Variants in ZHX2 observed in about 807,000 individuals in gnomAD.
ZHX2 encodes zinc fingers and homeoboxes 2.
In ZHX2, 6 loss-of-function variants were observed where a neutral mutation model predicts 21.9. That is an observed-to-expected ratio of 0.27 (90% confidence interval 0.15 to 0.54). The LOEUF (loss-of-function observed/expected upper bound fraction) is 0.54. Ranked by LOEUF, ZHX2 falls within the 20% of genes least tolerant of loss-of-function variation. The probability of loss-of-function intolerance (pLI) is 0.95; values close to 1 mark genes in which losing one functional copy is unlikely to be tolerated. For synonymous variants in ZHX2, 434 were observed against 437.1 expected (o/e 0.99, Z 0.09); for missense variants, 908 against 1,090.7 (o/e 0.83, Z 2.36).
chr8:122,908,461 C>T lies in ZHX2; in HGVS notation c.-219-42831C>T, dbSNP rs192823118. 1.1e-4 allele frequency among the ~76,000 whole-genome samples: 16 copies of T among 152,268 alleles called. No homozygotes were observed. In the East Asian group the frequency reaches 1.2e-3, roughly 11 times the overall value. ...CTGACCTCAGATGTTCCACCCACCTCGGCCTCCCAAAATGCTGGGATTACA... is the reference window on the plus strand; with the variant it reads ...CTGACCTCAGATGTTCCACCCACCTTGGCCTCCCAAAATGCTGGGATTACA... On this transcript the variant is annotated intron_variant, in intron 2 of 3. Coordinates refer to ENST00000314393, the MANE Select transcript of ZHX2 (RefSeq NM_014943.5).
At position 122,951,554 on chromosome 8, in the gene ZHX2, C is replaced by T. The variant is rs1813111051; in HGVS notation, c.44C>T (p.Thr15Ile). The T allele has an allele frequency of 6.2e-7, 1 of 1,613,566 alleles. No individual in the cohort carries two copies. Reference protein sequence around the residue: ...RKSTTPCMVRTSQVVEQDVPE... With the variant: ...RKSTTPCMVRISQVVEQDVPE... Reference sequence around the variant, plus strand: ...TCTACAACTCCATGCATGGTTCGGACATCACAAGTAGTAGAACAAGATGTG... The same window carrying T: ...TCTACAACTCCATGCATGGTTCGGATATCACAAGTAGTAGAACAAGATGTG... The change falls in exon 3 of 4, where the codon ACA becomes ATA. Residue 15 changes from threonine (T) to isoleucine (I), a missense_variant. Transcript: ENST00000314393.
intron 3 of ZHX2, among the ~76,000 whole-genome samples, chr8:122,957,316 A>T (rs1023987564): frequency 6.8e-6 from 1 of 147,778 alleles, no homozygotes; most frequent in South Asian, 2.1e-4. Context: ...AAAAAAAAAC[A>T]TGCAGGAACC....
intron 3 of ZHX2, among the ~76,000 whole-genome samples, chr8:122,972,779 A>G (rs1813758032): frequency 6.6e-6 from 1 of 152,162 alleles, no homozygotes; most frequent in Non-Finnish European, 1.5e-5. Flanking sequence ...TCCCTGTTAT[A>G]CAGAAGCAAA....
chr8:122,916,671 C>T (rs183705419), intron 2 of ZHX2, among the ~76,000 whole-genome samples: 477 of 152,252 alleles, frequency 3.1e-3, no homozygotes, highest in South Asian at 0.015. Flanking sequence ...TAGTTTCCTT[C>T]CCATATTGTT....
chr8:122,845,160 G>A (rs980496920), intron 1 of ZHX2, among the ~76,000 whole-genome samples: 1 of 152,200 alleles, frequency 6.6e-6, no homozygotes, highest in Admixed American at 6.5e-5. Context: ...TAATGTCTCT[G>A]AACTTCAGCT....
intron 3 of ZHX2, among the ~76,000 whole-genome samples, chr8:122,956,431 T>C (rs1182338550): frequency 1.3e-5 from 2 of 152,190 alleles, no homozygotes; most frequent in African/African-American, 4.8e-5. Context: ...GGCACGGCTC[T>C]GGGTCAGGGC....
chr8:122,869,962 G>A (rs1819391603), intron 2 of ZHX2, among the ~76,000 whole-genome samples: 1 of 152,202 alleles, frequency 6.6e-6, no homozygotes, highest in Non-Finnish European at 1.5e-5. Flanking sequence ...AATGAACACA[G>A]AAGTCAGTAT....
intron 1 of ZHX2, among the ~76,000 whole-genome samples, chr8:122,810,143 A>G (rs553950221): frequency 6.6e-6 from 1 of 152,308 alleles, no homozygotes; most frequent in East Asian, 1.9e-4. Flanking sequence ...AAATGGCATA[A>G]ATGAAGACCT....
At chr8:122,792,361 G>A (rs993075775) in intron 1 of ZHX2, among the ~76,000 whole-genome samples, 1 of 152,194 alleles carries the variant, frequency 6.6e-6, no homozygotes, top group South Asian at 2.1e-4. Flanking sequence ...CATTTTGTTA[G>A]CCATTCATCA....
At chr8:122,787,633 C>T (rs1392311322) in intron 1 of ZHX2, among the ~76,000 whole-genome samples, 3 of 152,142 alleles carry the variant, frequency 2.0e-5, no homozygotes, top group Admixed American at 6.5e-5. Flanking sequence ...TCTGGGGCTT[C>T]GGGGAGTAGC....
chr8:122,915,786 G>C (rs1440072252), intron 2 of ZHX2, among the ~76,000 whole-genome samples: 1 of 152,202 alleles, frequency 6.6e-6, no homozygotes, highest in African/African-American at 2.4e-5. Context: ...TGATGGCAAT[G>C]GGAAAGGATT....
At chr8:122,835,201 GGAAAC>G (rs1186030506) in intron 1 of ZHX2, among the ~76,000 whole-genome samples, 1 of 152,224 alleles carries the variant, frequency 6.6e-6, no homozygotes, top group Non-Finnish European at 1.5e-5. Flanking sequence ...TGAGGCAGAA[GGAAAC>G]ATGAACTCTA....
chr8:122,850,907 C>G (rs1818878743), intron 1 of ZHX2, among the ~76,000 whole-genome samples: 1 of 152,172 alleles, frequency 6.6e-6, no homozygotes, highest in Non-Finnish European at 1.5e-5. Flanking sequence ...ACATCCTCAC[C>G]TGCCCCTCTG....
intron 1 of ZHX2, among the ~76,000 whole-genome samples, chr8:122,805,429 C>G (rs115852399): frequency 0.016 from 2,432 of 152,268 alleles, 61 homozygotes; most frequent in African/African-American, 0.056. Flanking sequence ...CCCCCCACCC[C>G]AGCAAGGAAA....
intron 2 of ZHX2, among the ~76,000 whole-genome samples, chr8:122,932,127 C>A (rs969507448): frequency 3.3e-5 from 5 of 152,158 alleles, no homozygotes; most frequent in Admixed American, 2.0e-4. Flanking sequence ...TAGCTCACTG[C>A]CCATTCCCAA....
chr8:122,784,401 C>T (rs942814948), intron 1 of ZHX2, among the ~76,000 whole-genome samples: 2 of 152,224 alleles, frequency 1.3e-5, no homozygotes, highest in Non-Finnish European at 2.9e-5. Context: ...GGTGAAGAAA[C>T]TTGCCTGAGC....
chr8:122,972,756 G>A (rs769883323), intron 3 of ZHX2, among the ~76,000 whole-genome samples: 1 of 152,056 alleles, frequency 6.6e-6, no homozygotes, highest in African/African-American at 2.4e-5. Context: ...TTCTAAGGTG[G>A]GTGCTAGTGT....
In ZHX2 at chr8:122,828,150, G is replaced by A. The variant is rs1024005645; in HGVS notation, c.-282-35327G>A. On this transcript the variant is annotated intron_variant, in intron 1 of 3. Transcript: ENST00000314393. This position sits in a 1 kb window ranked among gnomAD's most constrained non-coding sequence, Gnocchi z 5.2. Reference sequence around the variant, plus strand: ...AAAAGAGAAAAGCTGGCTCGCAGGAGAGACCTAAGGGCACCTAGACAGCAC... The same window carrying A: ...AAAAGAGAAAAGCTGGCTCGCAGGAAAGACCTAAGGGCACCTAGACAGCAC... 6.6e-6 allele frequency among the ~76,000 whole-genome samples: 1 copy of A among 152,128 alleles called. No individual in the cohort carries two copies. The highest frequency in any genetic ancestry group is 1.5e-5 in the Non-Finnish European group (1 of 68,022).
chr8:122,803,669 T>G (rs1817762429), intron 1 of ZHX2, among the ~76,000 whole-genome samples: 1 of 152,234 alleles, frequency 6.6e-6, no homozygotes, highest in Non-Finnish European at 1.5e-5. Flanking sequence ...ACCCGTGGAC[T>G]AAATCACACC....
Sources: gnomAD v4.1 joint callset for allele counts (sites outside exome capture counted in the v4.1 genomes callset) on GRCh38, gnomAD v4.1.1 for gene constraint, Gnocchi (gnomAD v3.1) non-coding constraint, MANE v1.5 for transcripts, NCBI Gene and HGNC (gene_info 2026-07-23, HGNC 2026-07-21) for gene names.